The following VEPH1 variants were observed in gnomAD, a reference collection of about 807,000 sequenced individuals.
VEPH1 encodes ventricular zone-expressed PH domain-containing protein homolog 1.
Under a neutral mutation model 85.2 loss-of-function variants are expected in VEPH1, and 80 were observed. That is an observed-to-expected ratio of 0.94 (90% CI 0.78 to 1.13). The LOEUF (loss-of-function observed/expected upper bound fraction) is 1.13. Among genes scored for constraint, VEPH1 ranks in the 50% most tolerant of loss-of-function variants. VEPH1 has a pLI of 0.00. For synonymous variants in VEPH1, 297 were observed against 348.0 expected (o/e 0.85, Z 1.63); for missense variants, 955 against 980.5 (o/e 0.97, Z 0.35).
chr3:157,401,053 A>C (rs916599249), intron 6 of VEPH1, among the ~76,000 whole-genome samples: 3 of 152,190 alleles, frequency 2.0e-5, no homozygotes, highest in Non-Finnish European at 4.4e-5. Context: ...ACTTTTTGAA[A>C]GACCACTGGG....
chr3:157,468,247 C>T (rs1046580691), intron 3 of VEPH1, among the ~76,000 whole-genome samples: 1 of 152,136 alleles, frequency 6.6e-6, no homozygotes, highest in East Asian at 1.9e-4. Flanking sequence ...ACACAGGAGC[C>T]ACTGACCATG....
At chr3:157,332,679 T>C (rs1331522486) in intron 9 of VEPH1, among the ~76,000 whole-genome samples, 3 of 152,218 alleles carry the variant, frequency 2.0e-5, no homozygotes, top group Non-Finnish European at 4.4e-5. Context: ...CTTTTGGTCA[T>C]TGTGAATAGT....
chr3:157,401,781 C>T (rs910938704), intron 6 of VEPH1, among the ~76,000 whole-genome samples: 1 of 151,382 alleles, frequency 6.6e-6, no homozygotes, highest in Non-Finnish European at 1.5e-5. Context: ...TGTGAACTGC[C>T]TTAACTGCTT....
chr3:157,320,570 G>A (rs1721243033), intron 9 of VEPH1, among the ~76,000 whole-genome samples: 1 of 152,086 alleles, frequency 6.6e-6, no homozygotes, highest in South Asian at 2.1e-4. Flanking sequence ...AAATGTTGAA[G>A]AGAGAAGTCA....
chr3:157,350,372 A>G (rs1368335984), intron 9 of VEPH1, among the ~76,000 whole-genome samples: 1 of 152,224 alleles, frequency 6.6e-6, no homozygotes, highest in Admixed American at 6.5e-5. Context: ...TCAACTCACA[A>G]TGAATCAAAG....
intron 1 of VEPH1, among the ~76,000 whole-genome samples, chr3:157,501,273 T>C (rs1275150081): frequency 4.6e-5 from 7 of 152,226 alleles, no homozygotes; most frequent in Admixed American, 2.6e-4. Context: ...TGGGTCCCTG[T>C]TGATTTTTTG....
In VEPH1 at chr3:157,467,452, C is replaced by G. The variant is rs1351184540; in HGVS notation, c.354+2862G>C. Among the ~76,000 whole-genome samples the G allele has an allele frequency of 2.0e-5, 3 of 152,038 alleles. No individual in the cohort carries two copies. In the East Asian group the frequency reaches 5.8e-4, roughly 29 times the overall value. ...TGAGTCATTTGGATTTCTACACGTT[C>G]CCCACAGGATCCTAAATTACAAGTA... On this transcript the variant is annotated intron_variant, in intron 3 of 13. Coordinates refer to ENST00000362010, the MANE Select transcript of VEPH1 (RefSeq NM_001167912.2).
chr3:157,313,155 C>T (rs752536849), intron 11 of VEPH1, among the ~76,000 whole-genome samples: 2 of 151,868 alleles, frequency 1.3e-5, no homozygotes, highest in Non-Finnish European at 2.9e-5. Context: ...CCGCCCGCCT[C>T]GGCCTCCCAA....
At position 157,420,218 on chromosome 3, in the gene VEPH1, A is replaced by C. The variant is rs116505667; in HGVS notation, c.697-6128T>G. ...GGGAAAGTATCAGGTAGAATAGTTA[A>C]TGCATGCTTGGCTTAATACCCAGGT... On this transcript the variant is annotated intron_variant, in intron 5 of 13. Coordinates refer to ENST00000362010, the MANE Select transcript of VEPH1 (RefSeq NM_001167912.2). Among the ~76,000 whole-genome samples the C allele has an allele frequency of 7.5e-3, 1,136 of 152,190 alleles. 7 individuals carry two copies. The highest frequency in any genetic ancestry group is 0.013 in the Admixed American group (193 of 15,286).
intron 5 of VEPH1, among the ~76,000 whole-genome samples, chr3:157,422,780 A>T (rs1378797802): frequency 6.6e-6 from 1 of 151,970 alleles, no homozygotes; most frequent in African/African-American, 2.4e-5. Flanking sequence ...CTTTATTCTT[A>T]TTGTGTCTTT....
At chr3:157,270,175 G>A (rs1376514205) in intron 12 of VEPH1, among the ~76,000 whole-genome samples, 2 of 152,042 alleles carry the variant, frequency 1.3e-5, no homozygotes, top group African/African-American at 2.4e-5. Context: ...GGGTGCAGAG[G>A]TGGGAGGATC....
chr3:157,481,853 T>C (rs1416814327), intron 2 of VEPH1, among the ~76,000 whole-genome samples: 1 of 152,168 alleles, frequency 6.6e-6, no homozygotes, highest in Non-Finnish European at 1.5e-5. Flanking sequence ...GGGTATCCTT[T>C]CCTCATTGCT....
At chr3:157,425,920 T>C (rs1732720943) in intron 5 of VEPH1, among the ~76,000 whole-genome samples, 1 of 152,148 alleles carries the variant, frequency 6.6e-6, no homozygotes, top group East Asian at 1.9e-4. Context: ...TGGGAGATAA[T>C]TTGAATTATG....
chr3:157,409,831 C>A (rs909271490), intron 6 of VEPH1: 1 of 985,374 alleles, frequency 1.0e-6, no homozygotes, highest in Non-Finnish European at 1.2e-6. Flanking sequence ...GTCTCTACCC[C>A]CATGGCCAAA....
At chr3:157,408,743 A>G (rs1334595046) in intron 6 of VEPH1, among the ~76,000 whole-genome samples, 1 of 152,140 alleles carries the variant, frequency 6.6e-6, no homozygotes, top group Non-Finnish European at 1.5e-5. Context: ...GGGTCAGGTA[A>G]GATAAGTAGG....
In VEPH1 at chr3:157,443,502, A is replaced by G. The variant is rs117826250; in HGVS notation, c.530-15014T>C. The G allele has an allele frequency of 1.7e-3, 266 of 153,164 alleles. 7 individuals carry two copies. The East Asian group carries it at 0.037, about 21-fold the overall frequency. The allele number at this position is 153,164 out of a possible 1,614,324, so 9.5% of individuals were successfully genotyped here. ...ATGTCACGTTTTTGAGAAGATAGTC[A>G]TATAAGTTATATTGCAAAAGGGATT... On this transcript the variant is annotated intron_variant, in intron 4 of 13. Coordinates refer to ENST00000362010, the MANE Select transcript of VEPH1 (RefSeq NM_001167912.2).
At chr3:157,471,616 G>T (rs147095103) in intron 2 of VEPH1, among the ~76,000 whole-genome samples, 1 of 152,256 alleles carries the variant, frequency 6.6e-6, no homozygotes, top group African/African-American at 2.4e-5. Context: ...TTGCCCAAAA[G>T]TGAGGTTGAA....
At chr3:157,351,564 C>T (rs899117700) in intron 9 of VEPH1, among the ~76,000 whole-genome samples, 1 of 152,036 alleles carries the variant, frequency 6.6e-6, no homozygotes. Flanking sequence ...ATTGTCTTTT[C>T]TCTACTACTA....
chr3:157,363,065 TC>T (rs1488914889), intron 9 of VEPH1, among the ~76,000 whole-genome samples: 10 of 152,138 alleles, frequency 6.6e-5, no homozygotes, highest in African/African-American at 2.4e-4. Flanking sequence ...CAGACCTCTT[TC>T]CAGGATTTTT....
Sources: allele counts gnomAD v4.1 joint callset (sites outside exome capture counted in the v4.1 genomes callset), GRCh38; gene constraint gnomAD v4.1.1; transcripts MANE v1.5; gene names NCBI Gene and HGNC (gene_info 2026-07-23, HGNC 2026-07-21).